The following LMF1 variants were observed in gnomAD, a reference collection of about 807,000 sequenced individuals.
LMF1 encodes the protein transmembrane protein 112.
Under a neutral mutation model 60.6 loss-of-function variants are expected in LMF1, and 68 were observed. The observed-to-expected ratio is 1.12, with a 90% CI of 0.92 to 1.37. LMF1 has a LOEUF of 1.37. Among genes scored for constraint, LMF1 ranks in the 40% most tolerant of loss-of-function variants. LMF1 has a pLI of 0.00. For missense variants in LMF1, 948 were observed against 767.2 expected (o/e 1.24, Z -2.78); for synonymous variants, 418 against 324.7 (o/e 1.29, Z -3.09).
At chr16:879,982 A>G (rs1481841957) in intron 5 of LMF1, among the ~76,000 whole-genome samples, 1 of 152,214 alleles carries the variant, frequency 6.6e-6, no homozygotes, top group African/African-American at 2.4e-5. Flanking sequence ...ATCTAAAAGC[A>G]AAGAATACAC....
Position 954,665 on chromosome 16 carries a change from G to A in LMF1, c.195C>T (p.Phe65=), listed in dbSNP as rs200377478. Residue 65 remains phenylalanine, a splice_region_variant and synonymous_variant, in exon 2 of 11, where the codon TTC becomes TTT. Transcript: ENST00000262301. ...VLLKALAFVY[F]VAFLVAFHQN... Reference sequence around the variant, plus strand: ...GATGGAAAGCCACCAGGAATGCCACGACTGGAAGAAAAAGAAGACAAAACA... The same window carrying A: ...GATGGAAAGCCACCAGGAATGCCACAACTGGAAGAAAAAGAAGACAAAACA... 51 of 1,585,148 alleles carry A rather than the reference G, an allele frequency of 3.2e-5. No homozygotes were observed. The highest frequency in any genetic ancestry group is 1.8e-4 in the African/African-American group (13 of 74,012).
In LMF1 at chr16:893,036, C is replaced by A. The variant is rs367755048; in HGVS notation, c.700G>T (p.Asp234Tyr). 7.1e-6 allele frequency: 11 copies of A among 1,552,108 alleles called. No individual in the cohort carries two copies. The highest frequency in any genetic ancestry group is 9.6e-6 in the Non-Finnish European group (11 of 1,148,000). The part of the protein sequence containing the change: ...IKIRGDRCWR[D>Y]LTCMDFHYET... ...TAGTGGAAGTCCATGCAGGTGAGGTCTCGCCAGCACCGGTCCCCCCGGATC... is the reference window on the plus strand; with the variant it reads ...TAGTGGAAGTCCATGCAGGTGAGGTATCGCCAGCACCGGTCCCCCCGGATC... Residue 234 changes from aspartate (D) to tyrosine (Y), a missense_variant, in exon 5 of 11, where the codon GAC becomes TAC. Physicochemically the swap from Asp to Tyr is radical, Grantham distance 160 (BLOSUM62 -3). Coordinates refer to ENST00000262301, the MANE Select transcript of LMF1 (RefSeq NM_022773.4).
At position 853,905 on chromosome 16, in the gene LMF1, C is replaced by G. The variant is rs766013627; in HGVS notation, c.*627G>C. 1 of 454,118 alleles carries G rather than the reference C, an allele frequency of 2.2e-6. No homozygotes were observed. The highest frequency in any genetic ancestry group is 1.6e-5 in the South Asian group (1 of 64,472). The allele number at this position is 454,118 out of a possible 1,614,324, so 28.1% of individuals were successfully genotyped here. On this transcript the variant is annotated 3_prime_UTR_variant, in exon 11 of 11. Transcript: ENST00000262301. ...GGGGGATGAAACCGGGCCAAGAACACATGTGTGCACAGGCTGTGTGTGCCT... is the reference window on the plus strand; with the variant it reads ...GGGGGATGAAACCGGGCCAAGAACAGATGTGTGCACAGGCTGTGTGTGCCT...
intron 10 of LMF1, among the ~76,000 whole-genome samples, chr16:863,123 C>T (rs1045142933): frequency 1.3e-5 from 2 of 152,094 alleles, no homozygotes; most frequent in African/African-American, 2.4e-5. Context: ...AGATGTTTGT[C>T]GTAGTCGCTT....
rs989897734 is a variant in LMF1 at position 897,383 on chromosome 16, G to A, written c.664-4311C>T. 6.6e-5 allele frequency among the ~76,000 whole-genome samples: 10 copies of A among 152,178 alleles called. No individual in the cohort carries two copies. Among genetic ancestry groups the A allele is most frequent in the Non-Finnish European group, 7.3e-5 (5 of 68,034 alleles). ...AGCCCCTACAGTCCCCGAAAGCACC[G>A]GCTAACGTGGTGTTTGAGGAGGGGG... On this transcript the variant is annotated intron_variant, in intron 4 of 10. Coordinates refer to ENST00000262301, the MANE Select transcript of LMF1 (RefSeq NM_022773.4). The surrounding 1 kb of genome is among the most constrained non-coding windows in gnomAD (Gnocchi z 4.3).
chr16:865,310 T>A (rs1034361214), intron 10 of LMF1, among the ~76,000 whole-genome samples: 9 of 152,218 alleles, frequency 5.9e-5, no homozygotes, highest in Non-Finnish European at 8.8e-5. Flanking sequence ...TCCAACATGA[T>A]TGGAACTCAA....
At chr16:971,082 G>A, upstream of LMF1, 26 of 1,235,462 alleles carry the variant, frequency 2.1e-5, no homozygotes, top group Non-Finnish European at 2.6e-5. Flanking sequence ...CACGGCCGAA[G>A]GCCCCACCCA....
At chr16:858,752 G>GC (rs1385676157) in intron 10 of LMF1, among the ~76,000 whole-genome samples, 1 of 95,360 alleles carries the variant, frequency 1.0e-5, no homozygotes, top group African/African-American at 6.4e-5. Context: ...GGACGGGTGT[G>GC]ACTGGTGTCA....
At chr16:870,673 A>G in intron 8 of LMF1, 56 bp downstream of exon 8, 1 of 1,594,600 alleles carries the variant, frequency 6.3e-7, no homozygotes, top group Admixed American at 1.7e-5. Flanking sequence ...GTGGCTGGTC[A>G]GGGCTGAGTC....
At chr16:977,977 A>ACC (rs2073205705) in intron 1 of LMF1, among the ~76,000 whole-genome samples, 2 of 89,496 alleles carry the variant, frequency 2.2e-5, no homozygotes, top group African/African-American at 7.0e-5. Context: ...CACACACCCC[A>ACC]CCACACACAT....
At chr16:932,770 A>G (rs1046940454) in intron 3 of LMF1, among the ~76,000 whole-genome samples, 2 of 152,224 alleles carry the variant, frequency 1.3e-5, no homozygotes, top group African/African-American at 4.8e-5. Context: ...TTGTTTATCT[A>G]AATGTTGAAG....
chr16:919,726 G>A (rs1424422496), intron 3 of LMF1, among the ~76,000 whole-genome samples: 3 of 152,102 alleles, frequency 2.0e-5, no homozygotes, highest in African/African-American at 4.8e-5. Flanking sequence ...TGTTTTCCTA[G>A]AAACACTGGT....
intron 4 of LMF1, among the ~76,000 whole-genome samples, chr16:910,264 C>T (rs1242743255): frequency 2.0e-5 from 3 of 152,322 alleles, no homozygotes; most frequent in South Asian, 2.1e-4. Context: ...GCAGGGCAGA[C>T]GCAGATGAGC....
rs888058086 is a variant in LMF1, at chr16:878,254, C to G, written c.897+1316G>C. On this transcript the variant is annotated intron_variant, in intron 6 of 10. Coordinates refer to ENST00000262301, the MANE Select transcript of LMF1 (RefSeq NM_022773.4). The surrounding 1 kb of genome is among the most constrained non-coding windows in gnomAD (Gnocchi z 5.2). ...GGGACGATCTGTGAGCAAGTCCGTT[C>G]TTCCCACTTAGATTCACGGCGACAT... 4.6e-5 allele frequency among the ~76,000 whole-genome samples: 7 copies of G among 152,242 alleles called. No individual in the cohort carries two copies. In the East Asian group the frequency reaches 1.4e-3, roughly 29 times the overall value.
Position 854,265 on chromosome 16 carries a change from G to A in LMF1, c.*267C>T. 1.5e-6 allele frequency: 1 copy of A among 659,206 alleles called. No individual in the cohort carries two copies. The highest frequency in any genetic ancestry group is 3.0e-5 in the East Asian group (1 of 33,792). 40.8% of individuals were successfully genotyped at this position (659,206 alleles called of 1,614,324 possible). A position where few individuals can be genotyped will look rare whatever the true frequency, so the allele number is the denominator to read the frequency against. On this transcript the variant is annotated 3_prime_UTR_variant, in exon 11 of 11. Coordinates refer to ENST00000262301, the MANE Select transcript of LMF1 (RefSeq NM_022773.4). The stretch of plus-strand genomic sequence containing the variant: ...ACAGCCCCAGGCTGGGCCTCTGGGA[G>A]GAGGGTGGGATGGATGGGAGATCAG...
At position 911,053 on chromosome 16, in the gene LMF1, C is replaced by T; in HGVS notation, c.541G>A (p.Gly181Arg). The change falls in exon 4 of 11, where the codon GGG becomes AGG. Residue 181 changes from glycine to arginine, a missense_variant. Gly to Arg is a moderately radical substitution (Grantham distance 125). Transcript: ENST00000262301. ...GGGCACAGGAAGATCCCCAGGAACC[C>T]CGTCTCCAGAAGCTGGGACTCCCAT... ...FGWESQLLET[G>R]FLGIFLCPLW... The T allele has an allele frequency of 6.2e-7, 1 of 1,612,684 alleles. No individual in the cohort carries two copies. The highest frequency in any genetic ancestry group is 8.5e-7 in the Non-Finnish European group (1 of 1,179,656).
intron 1 of LMF1, chr16:976,025 G>A (rs1383449615): frequency 6.6e-6 from 3 of 453,962 alleles, no homozygotes; most frequent in East Asian, 6.9e-5. Context: ...GGGGCCTCAT[G>A]AACTCTGAAG....
chr16:981,294 GT>G (rs2073353836), exon 1 of LMF1: 1 of 406,946 alleles, frequency 2.5e-6, no homozygotes, highest in African/African-American at 2.8e-5. Flanking sequence ...GTGTGTGTGT[GT>G]GTGTGTGTGA....
At chr16:931,492 G>A (rs1012271720) in intron 3 of LMF1, 9 of 464,722 alleles carry the variant, frequency 1.9e-5, no homozygotes, top group Non-Finnish European at 3.2e-5. Context: ...GCTCGGATGA[G>A]CTGAGGAACG....
Sources: gnomAD v4.1 joint callset for allele counts (sites outside exome capture counted in the v4.1 genomes callset) on GRCh38, gnomAD v4.1.1 for gene constraint, Gnocchi (gnomAD v3.1) non-coding constraint, MANE v1.5 for transcripts, NCBI Gene and HGNC (gene_info 2026-07-23, HGNC 2026-07-21) for gene names.